CFTR: variants seen among roughly 807,000 people sequenced by gnomAD.
CFTR encodes the protein cystic fibrosis transmembrane conductance regulator.
Under a neutral mutation model 171.6 loss-of-function variants are expected in CFTR, and 181 were observed. The observed-to-expected ratio is 1.05, with a 90% CI of 0.93 to 1.19. The LOEUF (loss-of-function observed/expected upper bound fraction) is 1.19. Among genes scored for constraint, CFTR ranks in the 50% most tolerant of loss-of-function variants. The probability of loss-of-function intolerance (pLI) is 0.00; values close to 1 mark genes in which losing one functional copy is unlikely to be tolerated. For synonymous variants in CFTR, 583 were observed against 608.0 expected, an observed-to-expected ratio of 0.96 and a Z score of 0.60; for missense variants, 1,968 against 1,734.7, an observed-to-expected ratio of 1.13 and a Z score of -2.39.
chr7:117,590,266 T>C, intron 12 of CFTR, 87 bp from the exon 13 acceptor site: 1 of 1,473,650 alleles, frequency 6.8e-7, no homozygotes, highest in Non-Finnish European at 9.3e-7. Flanking sequence ...TTGTAATGCA[T>C]GTAGTGAACT....
intron 15 of CFTR, among the ~76,000 whole-genome samples, chr7:117,600,838 G>T (rs545271009): frequency 1.3e-5 from 2 of 151,996 alleles, no homozygotes; most frequent in Admixed American, 1.3e-4. Flanking sequence ...AAAACATTTT[G>T]GAAATGAAAT....
At chr7:117,612,988 C>G (rs1792429486) in intron 20 of CFTR, among the ~76,000 whole-genome samples, 1 of 152,094 alleles carries the variant, frequency 6.6e-6, no homozygotes, top group Non-Finnish European at 1.5e-5. Context: ...CCTTTTGGCT[C>G]AGGGGTCCAA....
At chr7:117,636,573 T>G (rs915079415) in intron 22 of CFTR, among the ~76,000 whole-genome samples, 1 of 152,088 alleles carries the variant, frequency 6.6e-6, no homozygotes, top group Admixed American at 6.5e-5. Context: ...GATATTCTGT[T>G]TTTTTCAGTT....
intron 14 of CFTR, among the ~76,000 whole-genome samples, chr7:117,594,325 T>C (rs1413451379): frequency 6.6e-6 from 1 of 152,248 alleles, no homozygotes; most frequent in East Asian, 1.9e-4. Flanking sequence ...TCCTTTGGAC[T>C]GTCTGGAATC....
intron 19 of CFTR, 107 bp downstream of exon 19, chr7:117,610,776 C>A: frequency 8.8e-7 from 1 of 1,133,712 alleles, no homozygotes; most frequent in Non-Finnish European, 1.3e-6. Flanking sequence ...TAAACTTTTA[C>A]ATCATATAAC....
chr7:117,584,703 A>T (rs1258891925), intron 11 of CFTR, among the ~76,000 whole-genome samples: 1 of 151,958 alleles, frequency 6.6e-6, no homozygotes, highest in African/African-American at 2.4e-5. Context: ...TAGTTCTGTG[A>T]AGAATTATGA....
rs542860881 is a variant in CFTR, at chr7:117,542,075, A to G, written c.1176A>G (p.Val392=). Reference sequence around the variant, plus strand: ...AATATAACTTAACGACTACAGAAGTAGTGATGGAGAATGTAACAGCCTTCT... The same window carrying G: ...AATATAACTTAACGACTACAGAAGTGGTGATGGAGAATGTAACAGCCTTCT... ...TLEYNLTTTE[V]VMENVTAFWE... Residue 392 remains valine, a synonymous_variant, in exon 9 of 27, where the codon GTA becomes GTG. Transcript: ENST00000003084. The G allele has an allele frequency of 2.7e-5, 44 of 1,602,054 alleles. No individual in the cohort carries two copies. The South Asian group carries it at 4.4e-4, about 16-fold the overall frequency.
intron 22 of CFTR, among the ~76,000 whole-genome samples, chr7:117,632,179 T>C (rs546792634): frequency 2.0e-4 from 31 of 152,190 alleles, no homozygotes; most frequent in Non-Finnish European, 3.8e-4. Context: ...AATTAAAAAT[T>C]CTGAGGGTGT....
chr7:117,612,022 T>C (rs936615378), intron 20 of CFTR, among the ~76,000 whole-genome samples: 11 of 48,348 alleles, frequency 2.3e-4, no homozygotes, highest in East Asian at 8.9e-4. Flanking sequence ...TATATATATA[T>C]GTATATATAT....
intron 7 of CFTR, 43 bp from the exon 8 acceptor site, chr7:117,540,057 A>G: frequency 6.4e-7 from 1 of 1,551,910 alleles, no homozygotes; most frequent in Non-Finnish European, 8.9e-7. Flanking sequence ...ATATTTGAAA[A>G]ATAAAATAAC....
intron 13 of CFTR, 137 bp from the exon 14 acceptor site, chr7:117,591,797 A>G: frequency 1.7e-6 from 1 of 572,964 alleles, no homozygotes; most frequent in South Asian, 3.1e-5. Context: ...CAGAGTACTT[A>G]TAGAATCATT....
intron 11 of CFTR, among the ~76,000 whole-genome samples, chr7:117,580,640 A>G (rs1327585088): frequency 6.6e-6 from 1 of 152,056 alleles, no homozygotes; most frequent in East Asian, 1.9e-4. Flanking sequence ...GGTAAATCAC[A>G]TAGCATCTAA....
chr7:117,666,807 T>A (rs1173068553), intron 26 of CFTR, 101 bp from the exon 27 acceptor site: 1 of 983,708 alleles, frequency 1.0e-6, no homozygotes, highest in Non-Finnish European at 1.6e-6. Context: ...GGACATTGCA[T>A]TCTTTGACTT....
intron 22 of CFTR, among the ~76,000 whole-genome samples, chr7:117,631,191 C>T (rs1309217337): frequency 6.6e-6 from 1 of 151,918 alleles, no homozygotes; most frequent in Non-Finnish European, 1.5e-5. Flanking sequence ...TCAGATAATC[C>T]AGGTAGATTT....
intron 20 of CFTR, among the ~76,000 whole-genome samples, chr7:117,612,262 G>C (rs1401579099): frequency 8.8e-6 from 1 of 113,594 alleles, no homozygotes; most frequent in Non-Finnish European, 1.8e-5. Context: ...CACACACACA[G>C]AGTTCCTCTT....
rs987552112 is a variant in CFTR, at chr7:117,590,465, T to C, written c.1766+26T>C. On this transcript the variant is annotated intron_variant, in intron 13 of 26. Transcript: ENST00000003084. The stretch of plus-strand genomic sequence containing the variant: ...GTATGTTCTTTGAATACCTTACTTA[T>C]AATGCTCATGCTAAAATAAAAGAAA... 3.8e-6 allele frequency: 6 copies of C among 1,591,298 alleles called. No individual in the cohort carries two copies. The African/African-American group carries it at 4.0e-5, about 11-fold the overall frequency.
rs139808242 is a variant in CFTR at position 117,490,712 on chromosome 7, G to A, written c.53+10565G>A. On this transcript the variant is annotated intron_variant, in intron 1 of 26. Coordinates refer to ENST00000003084, the MANE Select transcript of CFTR (RefSeq NM_000492.4). ...GATAGCAAATAATGCCAGACATAGG[G>A]CGTCTTTAATAAATGGTAAGCACTG... is the stretch of plus-strand genomic sequence containing the variant. 2.4e-3 allele frequency among the ~76,000 whole-genome samples: 366 copies of A among 152,122 alleles called. 1 individual carries two copies. Among genetic ancestry groups the A allele is most frequent in the Non-Finnish European group, 3.4e-3 (234 of 67,966 alleles).
chr7:117,597,765 C>T (rs1212035205), intron 15 of CFTR, among the ~76,000 whole-genome samples: 1 of 151,584 alleles, frequency 6.6e-6, no homozygotes, highest in East Asian at 1.9e-4. Flanking sequence ...TCAATGTCCC[C>T]ATTGTGGTTT....
chr7:117,502,831 A>C (rs1272329022), intron 1 of CFTR, among the ~76,000 whole-genome samples: 1 of 152,228 alleles, frequency 6.6e-6, no homozygotes, highest in East Asian at 1.9e-4. Flanking sequence ...ATTGCAAATT[A>C]ATGGAAAAAA....
Sources: allele counts gnomAD v4.1 joint callset (sites outside exome capture counted in the v4.1 genomes callset), GRCh38; gene constraint gnomAD v4.1.1; transcripts MANE v1.5; gene names NCBI Gene and HGNC (gene_info 2026-07-23, HGNC 2026-07-21).